The following ZBTB41 variants were observed in gnomAD, a reference collection of about 807,000 sequenced individuals.
ZBTB41 encodes zinc finger and BTB domain containing 41, also known as zinc finger and BTB domain-containing protein 41.
In ZBTB41, 42 loss-of-function variants were observed where a neutral mutation model predicts 87.6. The observed-to-expected ratio is 0.48, with a 90% CI of 0.37 to 0.62. The LOEUF is 0.62. ZBTB41 is among the 20% of genes least tolerant of loss of function. The probability of loss-of-function intolerance (pLI) is 0.00; values close to 1 mark genes in which losing one functional copy is unlikely to be tolerated. For synonymous variants in ZBTB41, 364 were observed against 364.0 expected (o/e 1.00, Z 0.00); for missense variants, 799 against 1,078.9 (o/e 0.74, Z 3.63).
chr1:197,198,000 G>A (rs1336402145), intron 2 of ZBTB41, among the ~76,000 whole-genome samples: 6 of 152,160 alleles, frequency 3.9e-5, no homozygotes, highest in African/African-American at 1.2e-4. Context: ...CAGGAAGCAT[G>A]CACTAAGAGT....
Position 197,153,833 on chromosome 1 carries a change from T to C in ZBTB41, c.*5526A>G, listed in dbSNP as rs547903323. ...AAACATCAGACAACCAAAGTATGTATAAAACTCACAAGATATTTTACACAC... is the reference window on the plus strand; with the variant it reads ...AAACATCAGACAACCAAAGTATGTACAAAACTCACAAGATATTTTACACAC... On this transcript the variant is annotated 3_prime_UTR_variant, in exon 11 of 11. Transcript: ENST00000367405. The C allele has an allele frequency of 5.9e-5, 9 of 152,212 alleles. No homozygotes were observed. The highest frequency in any genetic ancestry group is 1.2e-4 in the Non-Finnish European group (8 of 68,018). 9.4% of individuals were successfully genotyped at this position (152,212 alleles called of 1,614,324 possible). A position where few individuals can be genotyped will look rare whatever the true frequency, so the allele number is the denominator to read the frequency against.
chr1:197,177,556 C>G (rs964974552), intron 7 of ZBTB41, among the ~76,000 whole-genome samples: 10 of 152,182 alleles, frequency 6.6e-5, no homozygotes, highest in African/African-American at 2.4e-4. Flanking sequence ...ATTTTCTTTT[C>G]TAAGAACTCA....
At chr1:197,184,958 G>A (rs1271723507) in intron 5 of ZBTB41, among the ~76,000 whole-genome samples, 1 of 152,056 alleles carries the variant, frequency 6.6e-6, no homozygotes, top group African/African-American at 2.4e-5. Context: ...GGGATTACAG[G>A]CGTCCGCCAC....
chr1:197,199,555 C>G lies in ZBTB41; in HGVS notation c.919G>C (p.Asp307His). 6.2e-7 allele frequency: 1 copy of G among 1,607,640 alleles called. No homozygotes were observed. The highest frequency in any genetic ancestry group is 1.7e-4 in the Middle Eastern group (1 of 6,004). The change falls in exon 2 of 11, where the codon GAT becomes CAT. Residue 307 changes from aspartate to histidine, a missense_variant. Transcript: ENST00000367405. ...DPGSEYNAEE[D>H]ELEEEMSDEY... ...TCTGACATCTCCTCCTCTAGCTCAT[C>G]TTCTTCAGCATTATATTCACTTCCA...
rs780520830 is a variant in ZBTB41 at position 197,199,779 on chromosome 1, G to A, written c.695C>T (p.Ser232Phe). The change falls in exon 2 of 11, where the codon TCC becomes TTC. Residue 232 changes from serine to phenylalanine, a missense_variant. Ser to Phe is a radical substitution (Grantham distance 155). This residue lies in a region of ZBTB41 where 294 missense variants were observed against 340.1 expected (regional missense o/e 0.86). Transcript: ENST00000367405. ...CCCATGTTTTTTCCCTAATAAAAGGGACCTATGGGTTTTAGCCAAATGATT... is the reference window on the plus strand; with the variant it reads ...CCCATGTTTTTTCCCTAATAAAAGGAACCTATGGGTTTTAGCCAAATGATT... ...LENHLAKTHR[S>F]LLLGKKHGLK... 1.8e-5 allele frequency: 29 copies of A among 1,612,980 alleles called. No homozygotes were observed. Among genetic ancestry groups the A allele is most frequent in the Non-Finnish European group, 2.3e-5 (27 of 1,179,718 alleles).
At chr1:197,163,617 T>C (rs1287204759) in intron 10 of ZBTB41, among the ~76,000 whole-genome samples, 2 of 150,606 alleles carry the variant, frequency 1.3e-5, no homozygotes, top group African/African-American at 2.5e-5. Flanking sequence ...ATAAACACTA[T>C]AAACCTCACA....
chr1:197,184,201 A>G (rs886906177), intron 5 of ZBTB41, among the ~76,000 whole-genome samples: 9 of 152,194 alleles, frequency 5.9e-5, no homozygotes, highest in African/African-American at 2.2e-4. Flanking sequence ...ACAGTTTGGT[A>G]ACTATAAAAA....
chr1:197,196,856 G>A (rs191428142), intron 2 of ZBTB41, among the ~76,000 whole-genome samples: 1 of 152,202 alleles, frequency 6.6e-6, no homozygotes, highest in Admixed American at 6.5e-5. Context: ...CTTGTAAACT[G>A]TTCCCTATTC....
rs1472146049 is a variant in ZBTB41, at chr1:197,157,105, T to A, written c.*2254A>T. On this transcript the variant is annotated 3_prime_UTR_variant, in exon 11 of 11. Coordinates refer to ENST00000367405, the MANE Select transcript of ZBTB41 (RefSeq NM_194314.3). ...TAGTAACTAAATACAATTATATTAT[T>A]ATATTTCACTTTACTAAGAGATGTA... The A allele has an allele frequency of 2.0e-5, 3 of 152,184 alleles. No individual in the cohort carries two copies. Among genetic ancestry groups the A allele is most frequent in the African/African-American group, 7.2e-5 (3 of 41,400 alleles). 9.4% of individuals were successfully genotyped at this position (152,184 alleles called of 1,614,324 possible). A position where few individuals can be genotyped will look rare whatever the true frequency, so the allele number is the denominator to read the frequency against.
rs201248055 is a variant in ZBTB41, at chr1:197,168,840, A to AAT, written c.2074+3318_2074+3319dup. 1.6e-3 allele frequency among the ~76,000 whole-genome samples: 244 copies of AAT among 152,174 alleles called. 1 individual carries two copies. The highest frequency in any genetic ancestry group is 5.6e-3 in the African/African-American group (233 of 41,560). On this transcript the variant is annotated intron_variant, in intron 10 of 10. Coordinates refer to ENST00000367405, the MANE Select transcript of ZBTB41 (RefSeq NM_194314.3). Reference sequence around the variant, plus strand: ...AAGTCATAGAGGAGAAGGTATCTGTAATATATATATCCGGAATGTAGAAAG... The same window carrying AAT: ...AAGTCATAGAGGAGAAGGTATCTGTAATATATATATATCCGGAATGTAGAAAG...
At chr1:197,186,234 A>G (rs1187457705) in intron 5 of ZBTB41, among the ~76,000 whole-genome samples, 1 of 151,838 alleles carries the variant, frequency 6.6e-6, no homozygotes, top group Non-Finnish European at 1.5e-5. Flanking sequence ...TAGTAAAGAT[A>G]GTCTTTTTAA....
intron 7 of ZBTB41, among the ~76,000 whole-genome samples, chr1:197,177,082 T>C (rs1659626764): frequency 6.6e-6 from 1 of 152,152 alleles, no homozygotes; most frequent in African/African-American, 2.4e-5. Context: ...TGACTAGGCA[T>C]ATCATGATGA....
chr1:197,181,034 T>C lies in ZBTB41; in HGVS notation c.1630A>G (p.Lys544Glu), dbSNP rs1394471975. 6.2e-7 allele frequency: 1 copy of C among 1,605,684 alleles called. No individual in the cohort carries two copies. The highest frequency in any genetic ancestry group is 2.2e-5 in the East Asian group (1 of 44,638). The change falls in exon 6 of 11, where the codon AAG becomes GAG. Residue 544 changes from lysine (K) to glutamate (E), a missense_variant. Lys to Glu is a moderately conservative substitution (Grantham distance 56). Around this residue, in one of 5 missense-constraint regions of ZBTB41, gnomAD observed 198 missense variants for 358.4 expected, o/e 0.55. Transcript: ENST00000367405. ...CAGATAAAGCAAGTCCATTTTCTCT[T>C]TCCACCATGAGTACATTCTATATGA... ...KRHIECTHGG[K>E]RKWTCFICGK...
chr1:197,169,919 C>T (rs966821606), intron 10 of ZBTB41, among the ~76,000 whole-genome samples: 1 of 151,888 alleles, frequency 6.6e-6, no homozygotes, highest in Non-Finnish European at 1.5e-5. Context: ...ATCTTATATA[C>T]ATTTTCCAAC....
At chr1:197,175,767 A>G (rs1659590643) in intron 8 of ZBTB41, among the ~76,000 whole-genome samples, 1 of 151,942 alleles carries the variant, frequency 6.6e-6, no homozygotes, top group Admixed American at 6.6e-5. Context: ...TCCTCATAAA[A>G]ATAAAAAGGC....
At chr1:197,174,165 C>A (rs940580258) in intron 9 of ZBTB41, among the ~76,000 whole-genome samples, 1 of 152,030 alleles carries the variant, frequency 6.6e-6, no homozygotes, top group Non-Finnish European at 1.5e-5. Flanking sequence ...CACATGGATG[C>A]TAAGCCATAC....
At chr1:197,193,653 G>A (rs917491453) in intron 2 of ZBTB41, among the ~76,000 whole-genome samples, 9 of 152,092 alleles carry the variant, frequency 5.9e-5, no homozygotes, top group African/African-American at 2.2e-4. Flanking sequence ...CTCTGCTACT[G>A]CTAGAGTATA....
intron 2 of ZBTB41, among the ~76,000 whole-genome samples, chr1:197,192,382 A>G (rs1261739468): frequency 6.6e-6 from 1 of 152,194 alleles, no homozygotes; most frequent in Non-Finnish European, 1.5e-5. Flanking sequence ...AGTAACCTCT[A>G]TATGCCTCAA....
At chr1:197,201,082 G>A (rs1452764657) in intron 1 of ZBTB41, among the ~76,000 whole-genome samples, 141 bp downstream of exon 1, 4 of 152,238 alleles carry the variant, frequency 2.6e-5, no homozygotes, top group Admixed American at 1.3e-4. Context: ...CAGAGCAGAA[G>A]TGGGGTCAAC....
Sources: gnomAD v4.1 joint callset for allele counts (sites outside exome capture counted in the v4.1 genomes callset) on GRCh38, gnomAD v4.1.1 for gene constraint, gnomAD v4.1.1 regional missense constraint, MANE v1.5 for transcripts, NCBI Gene and HGNC (gene_info 2026-07-23, HGNC 2026-07-21) for gene names.